Variants in CCDC91 observed in about 807,000 individuals in gnomAD.
CCDC91 encodes coiled-coil domain-containing protein 91.
In CCDC91, 48 loss-of-function variants were observed where a neutral mutation model predicts 63.2. The ratio of observed to expected loss-of-function variants is 0.76; its 90% CI spans 0.60 to 0.97. The LOEUF is 0.97. CCDC91 is among the 50% of genes least tolerant of loss of function. The pLI is 0.00. For synonymous variants in CCDC91, 167 were observed against 165.8 expected (o/e 1.01, Z -0.06); for missense variants, 500 against 494.6 (o/e 1.01, Z -0.10).
chr12:28,503,490 C>A (rs1592875392), intron 12 of CCDC91, among the ~76,000 whole-genome samples: 1 of 151,934 alleles, frequency 6.6e-6, no homozygotes. Flanking sequence ...GTTGGTGGGA[C>A]TGTAAACTAG....
chr12:28,489,712 A>T (rs1181695966), intron 12 of CCDC91, among the ~76,000 whole-genome samples: 1 of 151,866 alleles, frequency 6.6e-6, no homozygotes, highest in African/African-American at 2.4e-5. Context: ...CTTTACTTCA[A>T]AGGTTTTGTG....
chr12:28,257,550 G>A (rs1946534039), intron 2 of CCDC91, among the ~76,000 whole-genome samples: 2 of 152,016 alleles, frequency 1.3e-5, no homozygotes, highest in South Asian at 4.1e-4. Flanking sequence ...GATTTTATTG[G>A]GATACATGTC....
chr12:28,510,527 GT>G (rs1354466556), intron 12 of CCDC91, among the ~76,000 whole-genome samples: 5 of 151,842 alleles, frequency 3.3e-5, no homozygotes, highest in Non-Finnish European at 7.4e-5. Flanking sequence ...TTTTAGTCAG[GT>G]CTTCAATCAA....
chr12:28,518,635 G>A (rs1027260850), intron 12 of CCDC91, among the ~76,000 whole-genome samples: 3 of 151,934 alleles, frequency 2.0e-5, no homozygotes, highest in Non-Finnish European at 4.4e-5. Flanking sequence ...TTCTTTTGCT[G>A]TGCAAAAGCT....
At chr12:28,238,865 A>G (rs1945140611) in intron 1 of CCDC91, among the ~76,000 whole-genome samples, 1 of 152,158 alleles carries the variant, frequency 6.6e-6, no homozygotes, top group Admixed American at 6.5e-5. Flanking sequence ...CATGCCTGTA[A>G]TCCCAGCACT....
intron 8 of CCDC91, among the ~76,000 whole-genome samples, chr12:28,425,955 C>T (rs191001376): frequency 9.3e-4 from 141 of 152,306 alleles, no homozygotes; most frequent in Non-Finnish European, 1.7e-3. Context: ...CATCCTGTTT[C>T]TGTATCATAT....
intron 1 of CCDC91, among the ~76,000 whole-genome samples, chr12:28,206,948 A>G (rs1314045872): frequency 6.6e-6 from 1 of 152,194 alleles, no homozygotes; most frequent in African/African-American, 2.4e-5. Context: ...TTGTGGGTTA[A>G]GAGGAGTGAA....
chr12:28,261,859 ACT>A (rs1946843547), intron 3 of CCDC91, among the ~76,000 whole-genome samples: 1 of 151,616 alleles, frequency 6.6e-6, no homozygotes, highest in Non-Finnish European at 1.5e-5. Context: ...ACACTCACAC[ACT>A]CTTTTTTCCC....
intron 8 of CCDC91, among the ~76,000 whole-genome samples, chr12:28,428,217 G>T (rs73085937): frequency 0.014 from 2,198 of 152,144 alleles, 18 homozygotes; most frequent in African/African-American, 0.022. Flanking sequence ...TTGGGGGCAG[G>T]GAGTATATTG....
intron 1 of CCDC91, among the ~76,000 whole-genome samples, chr12:28,217,110 C>G (rs932641051): frequency 1.3e-5 from 2 of 152,016 alleles, no homozygotes; most frequent in African/African-American, 4.8e-5. Context: ...AAGGAAATTA[C>G]GGCCCGAACT....
chr12:28,458,228 GATA>G (rs1481801427), intron 11 of CCDC91, among the ~76,000 whole-genome samples: 6 of 151,626 alleles, frequency 4.0e-5, no homozygotes, highest in East Asian at 1.9e-4. Flanking sequence ...ACAATACTTT[GATA>G]ATAATCTAGA....
chr12:28,254,238 G>A (rs766355195), intron 1 of CCDC91, among the ~76,000 whole-genome samples: 9 of 152,128 alleles, frequency 5.9e-5, no homozygotes, highest in Admixed American at 3.9e-4. Context: ...AACTTTCAGC[G>A]TAGATTCCTA....
At chr12:28,455,707 AAAT>A (rs1467837967) in intron 11 of CCDC91, among the ~76,000 whole-genome samples, 2 of 152,072 alleles carry the variant, frequency 1.3e-5, no homozygotes, top group Non-Finnish European at 2.9e-5. Context: ...TGCCTGCAGA[AAAT>A]AATAGCAGTA....
At chr12:28,477,625 G>A (rs1254496605) in intron 11 of CCDC91, among the ~76,000 whole-genome samples, 2 of 152,102 alleles carry the variant, frequency 1.3e-5, no homozygotes, top group African/African-American at 2.4e-5. Flanking sequence ...GGGGCAATCA[G>A]GCAGGAGAAA....
At chr12:28,328,276 A>T (rs1165818329) in intron 6 of CCDC91, among the ~76,000 whole-genome samples, 1 of 151,740 alleles carries the variant, frequency 6.6e-6, no homozygotes, top group Admixed American at 6.6e-5. Flanking sequence ...AACATATTGT[A>T]TTTTTTTTCC....
chr12:28,375,130 GT>G (rs140076552), intron 7 of CCDC91, among the ~76,000 whole-genome samples: 30,469 of 147,868 alleles, frequency 0.21, 4,004 homozygotes, highest in Non-Finnish European at 0.3. Flanking sequence ...ACCTTGGGCA[GT>G]TTTTTTTTTT....
intron 12 of CCDC91, among the ~76,000 whole-genome samples, chr12:28,537,055 A>G (rs16932891): frequency 0.39 from 58,630 of 151,900 alleles, 11,714 homozygotes; most frequent in South Asian, 0.45. Context: ...TTGATTAGGA[A>G]CCTTATATTT....
intron 12 of CCDC91, among the ~76,000 whole-genome samples, chr12:28,521,612 G>A (rs769001414): frequency 9.2e-5 from 14 of 152,246 alleles, no homozygotes; most frequent in Middle Eastern, 3.4e-3. Flanking sequence ...ACACTATGTT[G>A]ATTAGGAGTG....
At chr12:28,359,052 C>T (rs1276240159) in intron 6 of CCDC91, among the ~76,000 whole-genome samples, 4 of 152,090 alleles carry the variant, frequency 2.6e-5, no homozygotes, top group South Asian at 4.1e-4. Flanking sequence ...TCCACCACCA[C>T]GCCCAGCTAA....
Sources: gnomAD v4.1 joint callset for allele counts (sites outside exome capture counted in the v4.1 genomes callset) on GRCh38, gnomAD v4.1.1 for gene constraint, MANE v1.5 for transcripts, NCBI Gene and HGNC (gene_info 2026-07-23, HGNC 2026-07-21) for gene names.